The following MLLT10 variants were observed in gnomAD, a reference collection of about 807,000 sequenced individuals.
MLLT10 encodes the protein protein AF-10.
A neutral mutation model predicts 129.1 loss-of-function variants in MLLT10; 30 were observed. The ratio of observed to expected loss-of-function variants is 0.23; its 90% CI spans 0.17 to 0.32. The LOEUF (loss-of-function observed/expected upper bound fraction) is 0.32, where lower values mean the gene tolerates loss of function less well. Ranked by LOEUF, MLLT10 falls within the 10% of genes least tolerant of loss-of-function variation. The pLI, the probability that MLLT10 is intolerant of heterozygous loss-of-function variation, is 1.00. For synonymous variants in MLLT10, 490 were observed against 446.4 expected (o/e 1.10, Z -1.23); for missense variants, 1,119 against 1,268.3 (o/e 0.88, Z 1.79).
intron 5 of MLLT10, among the ~76,000 whole-genome samples, chr10:21,600,292 A>G (rs1466308914): frequency 6.6e-6 from 1 of 152,048 alleles, no homozygotes; most frequent in Non-Finnish European, 1.5e-5. Flanking sequence ...CACAATTTAG[A>G]CTGTATTAGA....
At chr10:21,629,981 A>C (rs979577246) in intron 8 of MLLT10, among the ~76,000 whole-genome samples, 1 of 152,234 alleles carries the variant, frequency 6.6e-6, no homozygotes, top group African/African-American at 2.4e-5. Context: ...AAAATTAAAA[A>C]AGAATCTCAG....
intron 4 of MLLT10, among the ~76,000 whole-genome samples, chr10:21,594,602 T>G: frequency 6.9e-6 from 1 of 145,464 alleles, no homozygotes; most frequent in Non-Finnish European, 1.5e-5. Flanking sequence ...ACCACCGCTT[T>G]CTCTGAAATA....
chr10:21,718,375 CATTA>C (rs1462772785), intron 14 of MLLT10, among the ~76,000 whole-genome samples: 2 of 152,130 alleles, frequency 1.3e-5, no homozygotes, highest in Non-Finnish European at 2.9e-5. Flanking sequence ...GTAGGAGTGT[CATTA>C]ATTTTTCATT....
chr10:21,563,281 T>C (rs1312005188), intron 3 of MLLT10, among the ~76,000 whole-genome samples: 2 of 152,132 alleles, frequency 1.3e-5, no homozygotes, highest in African/African-American at 2.4e-5. Context: ...CCCAGCACTT[T>C]GGGAGGCTGA....
At chr10:21,600,368 AACACACACACACACACAC>A (rs199618726) in intron 5 of MLLT10, among the ~76,000 whole-genome samples, 2 of 144,542 alleles carry the variant, frequency 1.4e-5, no homozygotes, top group African/African-American at 5.0e-5. Flanking sequence ...CCTGAGATAG[AACACACACACACACACAC>A]ACACACACAC....
rs1037826500 is a variant in MLLT10, at chr10:21,624,967, C to G, written c.699+7760C>G. On this transcript the variant is annotated intron_variant, in intron 8 of 22. Transcript: ENST00000307729. Reference sequence around the variant, plus strand: ...CTCCCCCTTGGTGGTGGTGAAGCACCCTGCCCTCCCCTTCCTCCTCTTCCT... The same window carrying G: ...CTCCCCCTTGGTGGTGGTGAAGCACGCTGCCCTCCCCTTCCTCCTCTTCCT... 7 of 1,260,892 alleles carry G rather than the reference C, an allele frequency of 5.6e-6. No individual in the cohort carries two copies. The African/African-American group carries it at 9.0e-5, about 16-fold the overall frequency. 78.1% of individuals were successfully genotyped at this position (1,260,892 alleles called of 1,614,324 possible). A position where few individuals can be genotyped will look rare whatever the true frequency, so the allele number is the denominator to read the frequency against.
Position 21,664,516 on chromosome 10 carries a change from C to T in MLLT10, c.796-5933C>T, listed in dbSNP as rs147588802. 1.4e-4 allele frequency among the ~76,000 whole-genome samples: 21 copies of T among 151,754 alleles called. No individual in the cohort carries two copies. In the East Asian group the frequency reaches 3.3e-3, roughly 24 times the overall value. On this transcript the variant is annotated intron_variant, in intron 9 of 22. Transcript: ENST00000307729. ...TTCACCATGTTGGTCAGGATGGTCG[C>T]GATCTCTTGACCTCGTGACCTGCCC...
intron 3 of MLLT10, among the ~76,000 whole-genome samples, chr10:21,565,676 G>A (rs2039459913): frequency 6.6e-6 from 1 of 150,972 alleles, no homozygotes; most frequent in Non-Finnish European, 1.5e-5. Context: ...CACAATCATG[G>A]TTTACTGCAG....
intron 9 of MLLT10, among the ~76,000 whole-genome samples, chr10:21,666,239 A>G (rs1038837617): frequency 2.6e-5 from 4 of 152,170 alleles, no homozygotes; most frequent in Non-Finnish European, 5.9e-5. Context: ...TACATAAAGT[A>G]TAAGAACCTT....
At chr10:21,563,668 C>CTCAGTTAT (rs1376198889) in intron 3 of MLLT10, among the ~76,000 whole-genome samples, 28 of 152,166 alleles carry the variant, frequency 1.8e-4, no homozygotes, top group African/African-American at 6.3e-4. Flanking sequence ...GAAAGATAAT[C>CTCAGTTAT]TCAGTTATTT....
At chr10:21,629,342 A>G (rs764062508) in intron 8 of MLLT10, among the ~76,000 whole-genome samples, 1 of 152,038 alleles carries the variant, frequency 6.6e-6, no homozygotes, top group Non-Finnish European at 1.5e-5. Context: ...TGAGGTAAGA[A>G]TAGATAACAT....
intron 9 of MLLT10, among the ~76,000 whole-genome samples, chr10:21,659,324 A>C (rs894495851): frequency 1.3e-5 from 2 of 152,152 alleles, no homozygotes; most frequent in African/African-American, 4.8e-5. Context: ...TATCACAACT[A>C]ATGTGTGAAC....
At chr10:21,636,645 G>A (rs911105334) in intron 8 of MLLT10, among the ~76,000 whole-genome samples, 3 of 151,520 alleles carry the variant, frequency 2.0e-5, no homozygotes, top group Admixed American at 2.0e-4. Flanking sequence ...TGCGATCTTA[G>A]CTCACTGCAA....
intron 2 of MLLT10, among the ~76,000 whole-genome samples, chr10:21,538,222 T>TG (rs1437741801): frequency 2.6e-5 from 4 of 151,010 alleles, no homozygotes; most frequent in Non-Finnish European, 4.4e-5. Context: ...TGGAGTGCAA[T>TG]GGTGCGATCT....
At chr10:21,649,359 G>A (rs551689877) in intron 8 of MLLT10, among the ~76,000 whole-genome samples, 4 of 152,320 alleles carry the variant, frequency 2.6e-5, no homozygotes, top group African/African-American at 7.2e-5. Flanking sequence ...TTACAGGTGT[G>A]AGCCAGTGTG....
intron 3 of MLLT10, among the ~76,000 whole-genome samples, chr10:21,582,197 C>T (rs1019399507): frequency 1.3e-5 from 2 of 151,778 alleles, no homozygotes; most frequent in South Asian, 2.1e-4. Flanking sequence ...GATCTTGGCT[C>T]ACTGCAGTCT....
At position 21,742,135 on chromosome 10, in the gene MLLT10, C is replaced by A; in HGVS notation, c.*152C>A. The A allele has an allele frequency of 1.5e-6, 1 of 660,522 alleles. No individual in the cohort carries two copies. The highest frequency in any genetic ancestry group is 2.5e-6 in the Non-Finnish European group (1 of 399,142). 40.9% of individuals were successfully genotyped at this position (660,522 alleles called of 1,614,324 possible). ...TTGCTGCAAGGACATTCTTGTAAGGCTTTGATTAGTTTTCTTGTTGCTTTG... is the reference window on the plus strand; with the variant it reads ...TTGCTGCAAGGACATTCTTGTAAGGATTTGATTAGTTTTCTTGTTGCTTTG... On this transcript the variant is annotated 3_prime_UTR_variant, in exon 23 of 23. Transcript: ENST00000307729.
intron 14 of MLLT10, among the ~76,000 whole-genome samples, chr10:21,724,831 G>GT (rs1279811305): frequency 6.6e-6 from 1 of 152,180 alleles, no homozygotes; most frequent in Non-Finnish European, 1.5e-5. Flanking sequence ...AGCTTCATCT[G>GT]TTTAAGGGTT....
intron 16 of MLLT10, among the ~76,000 whole-genome samples, chr10:21,728,808 G>C (rs186403667): frequency 2.7e-4 from 41 of 151,814 alleles, no homozygotes; most frequent in Non-Finnish European, 2.6e-4. Flanking sequence ...TTGGAGGATT[G>C]CTTGAGGCCT....
Sources: gnomAD v4.1 joint callset for allele counts (sites outside exome capture counted in the v4.1 genomes callset) on GRCh38, gnomAD v4.1.1 for gene constraint, MANE v1.5 for transcripts, NCBI Gene and HGNC (gene_info 2026-07-23, HGNC 2026-07-21) for gene names.